Variants in RARB observed in about 807,000 individuals in gnomAD.
RARB encodes the protein retinoic acid receptor beta.
A neutral mutation model predicts 51.9 loss-of-function variants in RARB; 17 were observed. The ratio of observed to expected loss-of-function variants is 0.33; its 90% CI spans 0.22 to 0.49. The LOEUF (loss-of-function observed/expected upper bound fraction) is 0.49. Among genes scored for constraint, RARB ranks in the 20% least tolerant of loss-of-function variants. The pLI is 0.99. For missense variants in RARB, 369 were observed against 550.8 expected, an observed-to-expected ratio of 0.67 and a Z score of 3.30; for synonymous variants, 215 against 195.4, an observed-to-expected ratio of 1.10 and a Z score of -0.84.
intron 2 of RARB, among the ~76,000 whole-genome samples, chr3:24,955,879 G>A (rs932614687): frequency 5.9e-5 from 9 of 152,066 alleles, no homozygotes; most frequent in East Asian, 1.9e-4. Flanking sequence ...TGTTGCCCTC[G>A]GAAGAATAGG....
At chr3:24,841,628 G>A (rs1702422781) in intron 1 of RARB, among the ~76,000 whole-genome samples, 1 of 152,112 alleles carries the variant, frequency 6.6e-6, no homozygotes, top group Non-Finnish European at 1.5e-5. Flanking sequence ...CCAACAGAAG[G>A]CAAATTCATT....
intron 1 of RARB, among the ~76,000 whole-genome samples, chr3:24,854,320 A>T (rs544441809): frequency 6.6e-6 from 1 of 152,190 alleles, no homozygotes; most frequent in South Asian, 2.1e-4. Context: ...GTAATCCAAG[A>T]ATCCTTGGTG....
Position 25,457,450 on chromosome 3 carries a change from A to G in RARB, c.158-3743A>G, listed in dbSNP as rs370521100. Among the ~76,000 whole-genome samples, 16 of 152,344 alleles carry G rather than the reference A, an allele frequency of 1.1e-4. No individual in the cohort carries two copies. In the East Asian group the frequency reaches 2.3e-3, roughly 22 times the overall value. On this transcript the variant is annotated intron_variant, in intron 1 of 7. Coordinates refer to ENST00000330688, the MANE Select transcript of RARB (RefSeq NM_000965.5). ...ATCACCACCACCTAAATAAAAGGCC[A>G]GGGCTCTCACTATTGATTACTTACA...
At chr3:25,251,558 G>A (rs1452614240) in intron 5 of RARB, among the ~76,000 whole-genome samples, 2 of 152,078 alleles carry the variant, frequency 1.3e-5, no homozygotes, top group Admixed American at 1.3e-4. Flanking sequence ...CCATCCTAGT[G>A]TGTGTGAAAT....
At chr3:25,264,130 G>A (rs1225600642) in intron 5 of RARB, among the ~76,000 whole-genome samples, 1 of 149,050 alleles carries the variant, frequency 6.7e-6, no homozygotes, top group Non-Finnish European at 1.5e-5. Context: ...TTTAAAAAAA[G>A]GTTGATTCTG....
intron 1 of RARB, among the ~76,000 whole-genome samples, chr3:25,445,222 T>G (rs1212275686): frequency 1.3e-5 from 2 of 152,130 alleles, no homozygotes; most frequent in African/African-American, 4.8e-5. Flanking sequence ...AGTGCTAGGA[T>G]TACAGGCATG....
Position 25,351,154 on chromosome 3 carries a change from A to G in RARB, c.179-110039A>G, listed in dbSNP as rs566489598. Among the ~76,000 whole-genome samples the G allele has an allele frequency of 2.1e-4, 32 of 152,256 alleles. No individual in the cohort carries two copies. The East Asian group carries it at 5.8e-3, about 28-fold the overall frequency. On this transcript the variant is annotated intron_variant, in intron 5 of 11. Transcript: ENST00000383772. ...TAAGACTGGTTAGTGAGCATTAGCT[A>G]TTCATGCCTAAAAAGAGGCTTAACC... is the stretch of plus-strand genomic sequence containing the variant.
chr3:25,383,862 GGA>G (rs1488299690), intron 5 of RARB, among the ~76,000 whole-genome samples: 1 of 151,844 alleles, frequency 6.6e-6, no homozygotes, highest in Non-Finnish European at 1.5e-5. Flanking sequence ...CCTGGAAGGC[GGA>G]GGTTGCAGTG....
Position 25,072,875 on chromosome 3 carries a change from A to AT in RARB, c.-328+12705dup, listed in dbSNP as rs1432606001. ...AGGCACCCGCCACCACGCCGGGCTA[A>AT]TTTTTTGTATTTTTTTAGTAGAGAC... is the stretch of plus-strand genomic sequence containing the variant. On this transcript the variant is annotated intron_variant, in intron 3 of 11. Transcript: ENST00000383772. 4.6e-5 allele frequency among the ~76,000 whole-genome samples: 7 copies of AT among 151,802 alleles called. No individual in the cohort carries two copies. The South Asian group carries it at 1.0e-3, about 23-fold the overall frequency.
intron 5 of RARB, among the ~76,000 whole-genome samples, chr3:25,272,288 G>T (rs908984462): frequency 6.6e-5 from 10 of 152,214 alleles, no homozygotes; most frequent in Non-Finnish European, 1.5e-4. Flanking sequence ...AAAGCCATCG[G>T]CTGGTCAGGG....
At chr3:25,359,413 A>G (rs571042297) in intron 5 of RARB, among the ~76,000 whole-genome samples, 8 of 149,868 alleles carry the variant, frequency 5.3e-5, no homozygotes, top group Non-Finnish European at 1.0e-4. Flanking sequence ...TTAATTTTTT[A>G]AAAAAATACC....
At chr3:25,452,027 T>A (rs2125543042) in intron 1 of RARB, among the ~76,000 whole-genome samples, 1 of 152,268 alleles carries the variant, frequency 6.6e-6, no homozygotes, top group African/African-American at 2.4e-5. Flanking sequence ...GCAATTAGCT[T>A]CGTCTACACA....
At chr3:24,875,329 A>G (rs1207498329) in intron 2 of RARB, among the ~76,000 whole-genome samples, 1 of 152,150 alleles carries the variant, frequency 6.6e-6, no homozygotes, top group Non-Finnish European at 1.5e-5. Flanking sequence ...GGCCATCTAT[A>G]GATGATCTGA....
At chr3:24,866,259 C>G (rs902040636) in intron 2 of RARB, among the ~76,000 whole-genome samples, 2 of 152,110 alleles carry the variant, frequency 1.3e-5, no homozygotes, top group Non-Finnish European at 2.9e-5. Flanking sequence ...CATCCCCCCA[C>G]GCTTTTGCAC....
chr3:24,955,558 C>T (rs1045612136), intron 2 of RARB, among the ~76,000 whole-genome samples: 2 of 152,148 alleles, frequency 1.3e-5, no homozygotes, highest in African/African-American at 4.8e-5. Context: ...TCCCCTTTGT[C>T]CTCTGAGGCT....
chr3:25,163,229 T>G (rs1700501506), intron 4 of RARB, among the ~76,000 whole-genome samples: 2 of 151,986 alleles, frequency 1.3e-5, no homozygotes, highest in Admixed American at 1.3e-4. Context: ...TTATTTGTGG[T>G]GTGGTGGCTC....
chr3:25,000,653 A>G (rs1442715067), intron 2 of RARB, among the ~76,000 whole-genome samples: 1 of 152,170 alleles, frequency 6.6e-6, no homozygotes, highest in East Asian at 1.9e-4. Flanking sequence ...GGAAGTGAGC[A>G]CACAGAATGT....
At chr3:25,239,164 A>G (rs1323159158) in intron 5 of RARB, among the ~76,000 whole-genome samples, 4 of 152,060 alleles carry the variant, frequency 2.6e-5, no homozygotes, top group Non-Finnish European at 4.4e-5. Flanking sequence ...GTTTATTACT[A>G]TTAAATTGTT....
In RARB at chr3:25,167,654, A is replaced by G. The variant is rs116564247; in HGVS notation, c.-279-6465A>G. Among the ~76,000 whole-genome samples, 1,141 of 152,336 alleles carry G rather than the reference A, an allele frequency of 7.5e-3. 7 individuals carry two copies. Among genetic ancestry groups the G allele is most frequent in the Middle Eastern group, 0.02 (6 of 294 alleles). On this transcript the variant is annotated intron_variant, in intron 4 of 11. Coordinates refer to the RARB transcript ENST00000383772. Reference sequence around the variant, plus strand: ...AATTTTATCTTGATTATTGTAACCCATCCCTGGTAAGAAAGGTAAATCTAC... The same window carrying G: ...AATTTTATCTTGATTATTGTAACCCGTCCCTGGTAAGAAAGGTAAATCTAC...
Sources: gnomAD v4.1 joint callset for allele counts (sites outside exome capture counted in the v4.1 genomes callset) on GRCh38, gnomAD v4.1.1 for gene constraint, MANE v1.5 for transcripts, NCBI Gene and HGNC (gene_info 2026-07-23, HGNC 2026-07-21) for gene names.